The following SNTB2 variants were observed in gnomAD, a reference collection of about 807,000 sequenced individuals.
The protein encoded by SNTB2 is syntrophin beta 2, also known as beta-2-syntrophin.
SNTB2 carries 34 observed loss-of-function variants against 46.2 expected under a neutral mutation model. That is an observed-to-expected ratio of 0.74 (90% CI 0.56 to 0.98). The LOEUF is 0.98. Ranked by LOEUF, SNTB2 falls within the 50% of genes least tolerant of loss-of-function variation. The pLI, the probability that SNTB2 is intolerant of heterozygous loss-of-function variation, is 0.00. For synonymous variants in SNTB2, 290 were observed against 312.6 expected, an observed-to-expected ratio of 0.93 and a Z score of 0.76; for missense variants, 603 against 731.4, an observed-to-expected ratio of 0.82 and a Z score of 2.02.
chr16:69,289,467 A>G (rs948344743), intron 5 of SNTB2, among the ~76,000 whole-genome samples: 1 of 152,152 alleles, frequency 6.6e-6, no homozygotes, highest in Non-Finnish European at 1.5e-5. Flanking sequence ...AATGCATTGT[A>G]TAATTCAAAT....
chr16:69,273,567 G>A (rs1290104859), intron 4 of SNTB2, among the ~76,000 whole-genome samples: 3 of 152,156 alleles, frequency 2.0e-5, no homozygotes, highest in East Asian at 1.9e-4. Flanking sequence ...GGTTGCCGGC[G>A]GGGGAGCTAA....
chr16:69,264,442 C>G (rs1241479505), intron 3 of SNTB2, among the ~76,000 whole-genome samples: 1 of 152,026 alleles, frequency 6.6e-6, no homozygotes, highest in Non-Finnish European at 1.5e-5. Context: ...ATAAAGATAC[C>G]AGGAAGAGTA....
rs574059254 is a variant in SNTB2 at position 69,195,199 on chromosome 16, C to A, written c.580+7453C>A. On this transcript the variant is annotated intron_variant, in intron 1 of 6. Transcript: ENST00000336278. ...CAGGGGCAGCTTTTGAAGTCAGAGA[C>A]GGAGAAAAATCTTTGTTTATCAAAA... Among the ~76,000 whole-genome samples, 5 of 152,164 alleles carry A rather than the reference C, an allele frequency of 3.3e-5. 1 individual carries two copies. The South Asian group carries it at 6.2e-4, about 19-fold the overall frequency.
chr16:69,195,925 C>T (rs1376046777), intron 1 of SNTB2, among the ~76,000 whole-genome samples: 1 of 152,242 alleles, frequency 6.6e-6, no homozygotes, highest in Middle Eastern at 3.4e-3. Flanking sequence ...AACTTATGTA[C>T]ACTATAACAG....
chr16:69,220,837 CTA>C (rs1012943397), intron 1 of SNTB2, among the ~76,000 whole-genome samples: 77 of 152,246 alleles, frequency 5.1e-4, no homozygotes, highest in Middle Eastern at 3.4e-3. Flanking sequence ...TGGCCCAGTT[CTA>C]TGTGTTTTGA....
chr16:69,272,218 A>G (rs1215783620), intron 4 of SNTB2, among the ~76,000 whole-genome samples: 1 of 152,184 alleles, frequency 6.6e-6, no homozygotes, highest in African/African-American at 2.4e-5. Context: ...TGAAAATCAT[A>G]TATCTGACGA....
At chr16:69,219,676 AAT>A (rs1435795427) in intron 1 of SNTB2, among the ~76,000 whole-genome samples, 3 of 152,152 alleles carry the variant, frequency 2.0e-5, no homozygotes, top group Non-Finnish European at 4.4e-5. Context: ...TCAATTATTT[AAT>A]AGTTTGTACG....
At chr16:69,208,601 T>G (rs1367315566) in intron 1 of SNTB2, among the ~76,000 whole-genome samples, 1 of 152,158 alleles carries the variant, frequency 6.6e-6, no homozygotes, top group Non-Finnish European at 1.5e-5. Context: ...CAGAGACAGA[T>G]TCTGTATTTG....
Position 69,298,512 on chromosome 16 carries a change from C to CTTTTT in SNTB2, c.1346-1056_1346-1052dup, listed in dbSNP as rs34908270. Among the ~76,000 whole-genome samples, 18 of 78,128 alleles carry CTTTTT rather than the reference C, an allele frequency of 2.3e-4. 2 individuals carry two copies. Among genetic ancestry groups the CTTTTT allele is most frequent in the East Asian group, 3.0e-4 (1 of 3,286 alleles). 51.3% of individuals were successfully genotyped at this position (78,128 alleles called of 152,430 possible). On this transcript the variant is annotated intron_variant, in intron 5 of 6. Coordinates refer to ENST00000336278, the MANE Select transcript of SNTB2 (RefSeq NM_006750.4). ...CCCTGCCTGTCCAGTTTTACCAATT[C>CTTTTT]TTTTTTTTTTTTTTTTTTTTTTTTT...
chr16:69,252,737 C>T (rs916747307), intron 2 of SNTB2, among the ~76,000 whole-genome samples: 7 of 152,160 alleles, frequency 4.6e-5, no homozygotes, highest in African/African-American at 1.7e-4. Context: ...AAAATCCTCT[C>T]GTTTGACAAG....
intron 3 of SNTB2, among the ~76,000 whole-genome samples, chr16:69,265,811 G>C (rs193285015): frequency 5.3e-5 from 8 of 150,220 alleles, no homozygotes; most frequent in South Asian, 2.1e-4. Context: ...TAGGTGACAG[G>C]GTGAGTCTCC....
chr16:69,280,464 G>C (rs566027305), intron 4 of SNTB2, among the ~76,000 whole-genome samples: 2 of 147,622 alleles, frequency 1.4e-5, no homozygotes, highest in African/African-American at 2.5e-5. Context: ...CTCACCTCCC[G>C]GACGGGGCGG....
At chr16:69,190,159 A>G (rs1288995185) in intron 1 of SNTB2, among the ~76,000 whole-genome samples, 3 of 152,212 alleles carry the variant, frequency 2.0e-5, no homozygotes. Context: ...GCCACTTTTA[A>G]AAGACAGATT....
chr16:69,212,519 A>C (rs1964298970), intron 1 of SNTB2, among the ~76,000 whole-genome samples: 2 of 150,798 alleles, frequency 1.3e-5, no homozygotes, highest in South Asian at 4.2e-4. Context: ...TTGTATTTTT[A>C]GTAGAGACAA....
intron 3 of SNTB2, among the ~76,000 whole-genome samples, chr16:69,261,730 A>G (rs1440229467): frequency 6.6e-6 from 1 of 152,204 alleles, no homozygotes; most frequent in Non-Finnish European, 1.5e-5. Flanking sequence ...GCATTGTTCA[A>G]AATCCTCATG....
chr16:69,210,249 G>T (rs1339536850), intron 1 of SNTB2, among the ~76,000 whole-genome samples: 1 of 148,174 alleles, frequency 6.7e-6, no homozygotes, highest in Non-Finnish European at 1.5e-5. Context: ...TTTTGGTTTG[G>T]TTTTTTGAGA....
intron 1 of SNTB2, among the ~76,000 whole-genome samples, chr16:69,229,793 G>T (rs1052235601): frequency 7.0e-6 from 1 of 143,556 alleles, no homozygotes; most frequent in Non-Finnish European, 1.5e-5. Flanking sequence ...AGTGAGCCAA[G>T]ATCATGCCAC....
rs1965175383 is a variant in SNTB2 at position 69,292,397 on chromosome 16, T to TATATA, written c.1346-7192_1346-7188dup. On this transcript the variant is annotated intron_variant, in intron 5 of 6. Transcript: ENST00000336278. ...ATATATATTATATATATATTATATA[T>TATATA]ATATATATATTATATATATATTATA... Among the ~76,000 whole-genome samples the TATATA allele has an allele frequency of 7.0e-5, 2 of 28,454 alleles. 1 individual carries two copies. Among genetic ancestry groups the TATATA allele is most frequent in the African/African-American group, 7.1e-4 (2 of 2,804 alleles). The allele number at this position is 28,454 out of a possible 152,430, so 18.7% of individuals were successfully genotyped here. A position where few individuals can be genotyped will look rare whatever the true frequency, so the allele number is the denominator to read the frequency against.
intron 1 of SNTB2, among the ~76,000 whole-genome samples, chr16:69,193,001 G>C (rs566766188): frequency 2.0e-5 from 3 of 152,004 alleles, no homozygotes; most frequent in Non-Finnish European, 4.4e-5. Flanking sequence ...TTTAAAATTT[G>C]TAAGTTATCT....
Sources: gnomAD v4.1 joint callset for allele counts (sites outside exome capture counted in the v4.1 genomes callset) on GRCh38, gnomAD v4.1.1 for gene constraint, MANE v1.5 for transcripts, NCBI Gene and HGNC (gene_info 2026-07-23, HGNC 2026-07-21) for gene names.